The following DLGAP1 variants were observed in gnomAD, a reference collection of about 807,000 sequenced individuals.
DLGAP1 encodes the protein DLG associated protein 1.
Under a neutral mutation model 90.8 loss-of-function variants are expected in DLGAP1, and 11 were observed. The ratio of observed to expected loss-of-function variants is 0.12; its 90% CI spans 0.08 to 0.20. DLGAP1 has a LOEUF of 0.20. Among genes scored for constraint, DLGAP1 ranks in the 10% least tolerant of loss-of-function variants. DLGAP1 has a pLI of 1.00. For synonymous variants in DLGAP1, 558 were observed against 540.7 expected (o/e 1.03, Z -0.44); for missense variants, 1,050 against 1,333.8 (o/e 0.79, Z 3.31).
At chr18:4,421,577 A>G (rs1185645158) in intron 1 of DLGAP1, among the ~76,000 whole-genome samples, 2 of 152,192 alleles carry the variant, frequency 1.3e-5, no homozygotes, top group Non-Finnish European at 2.9e-5. Context: ...AGTTCACAAG[A>G]CTATGGAGTT....
In DLGAP1 at chr18:4,265,861, T is replaced by G. The variant is rs1052548015; in HGVS notation, c.-266-114574A>C. Among the ~76,000 whole-genome samples, 3 of 151,416 alleles carry G rather than the reference T, an allele frequency of 2.0e-5. No homozygotes were observed. In the South Asian group the frequency reaches 6.2e-4, roughly 32 times the overall value. ...TGCCATCATACCTGGCTACTTTTTT[T>G]GTTTTTTGGAGAGATAGGGTTTCCC... On this transcript the variant is annotated intron_variant, in intron 1 of 12. Coordinates refer to ENST00000315677, the MANE Select transcript of DLGAP1 (RefSeq NM_004746.4).
chr18:4,193,170 A>G (rs2077432769), intron 1 of DLGAP1, among the ~76,000 whole-genome samples: 1 of 152,210 alleles, frequency 6.6e-6, no homozygotes, highest in Non-Finnish European at 1.5e-5. Context: ...AAATGCTAGG[A>G]CAATAAGTCT....
At chr18:3,834,321 A>C (rs970227523) in intron 4 of DLGAP1, among the ~76,000 whole-genome samples, 2 of 150,032 alleles carry the variant, frequency 1.3e-5, no homozygotes, top group African/African-American at 4.9e-5. Flanking sequence ...AAAAAAAAAA[A>C]AAAAAAAAAG....
intron 10 of DLGAP1, among the ~76,000 whole-genome samples, chr18:3,521,028 C>A (rs1189061476): frequency 3.3e-5 from 5 of 152,118 alleles, no homozygotes; most frequent in Non-Finnish European, 5.9e-5. Flanking sequence ...AAATGTTGAA[C>A]ACAAAATGTA....
rs184306349 is a variant in DLGAP1, at chr18:4,187,259, G to A, written c.-266-35972C>T. Among the ~76,000 whole-genome samples, 248 of 152,178 alleles carry A rather than the reference G, an allele frequency of 1.6e-3. 2 individuals carry two copies. The highest frequency in any genetic ancestry group is 5.8e-3 in the African/African-American group (240 of 41,526). ...TGCCCTTTATTTCTCTTGTCTGATT[G>A]TTCTGGCCAGGACTTCCAATACTAT... is the stretch of plus-strand genomic sequence containing the variant. On this transcript the variant is annotated intron_variant, in intron 1 of 12. Coordinates refer to ENST00000315677, the MANE Select transcript of DLGAP1 (RefSeq NM_004746.4).
chr18:3,583,170 C>CTTCCTTCT (rs2145413736), intron 7 of DLGAP1, among the ~76,000 whole-genome samples: 1 of 100,276 alleles, frequency 1.0e-5, no homozygotes, highest in African/African-American at 3.2e-5. Flanking sequence ...ACCTACCTAC[C>CTTCCTTCT]TACCTACCTA....
intron 1 of DLGAP1, among the ~76,000 whole-genome samples, chr18:4,336,518 G>C (rs1043227444): frequency 4.6e-5 from 7 of 152,168 alleles, no homozygotes; most frequent in East Asian, 3.9e-4. Flanking sequence ...AGGCCAGGAT[G>C]AGCTCCTGTG....
At chr18:3,597,530 C>G (rs1462085120) in intron 7 of DLGAP1, 1 of 311,218 alleles carries the variant, frequency 3.2e-6, no homozygotes, top group African/African-American at 2.3e-5. Context: ...AGAGTCCGGT[C>G]AGGCTGAGTC....
intron 4 of DLGAP1, among the ~76,000 whole-genome samples, chr18:3,842,704 A>G (rs1311411128): frequency 6.6e-6 from 1 of 152,140 alleles, no homozygotes; most frequent in Non-Finnish European, 1.5e-5. Flanking sequence ...CAGCGTTAAA[A>G]AAAAGCATAG....
At chr18:3,990,105 C>T (rs1034752868) in intron 3 of DLGAP1, among the ~76,000 whole-genome samples, 1 of 152,006 alleles carries the variant, frequency 6.6e-6, no homozygotes, top group Non-Finnish European at 1.5e-5. Flanking sequence ...ACTAGAAATA[C>T]CATTTGACCC....
chr18:4,040,245 T>C (rs1256596666), intron 2 of DLGAP1, among the ~76,000 whole-genome samples: 1 of 152,200 alleles, frequency 6.6e-6, no homozygotes, highest in Non-Finnish European at 1.5e-5. Flanking sequence ...GGTAAAAATA[T>C]TACCTCACAT....
At chr18:4,387,923 TCACACATACACACACACACA>T (rs56849202) in intron 1 of DLGAP1, among the ~76,000 whole-genome samples, 8,053 of 33,638 alleles carry the variant, frequency 0.24, 252 homozygotes, top group Non-Finnish European at 0.36. Context: ...AGAGACTCCA[TCACACATACACACACACACA>T]CACACACACA....
At chr18:3,803,589 A>G (rs1413732931) in intron 5 of DLGAP1, among the ~76,000 whole-genome samples, 1 of 152,174 alleles carries the variant, frequency 6.6e-6, no homozygotes, top group Non-Finnish European at 1.5e-5. Context: ...GAAGGTTCTG[A>G]GCTGTAAGTC....
chr18:3,656,522 G>A (rs1002151554), intron 7 of DLGAP1, among the ~76,000 whole-genome samples: 3 of 152,180 alleles, frequency 2.0e-5, no homozygotes, highest in Non-Finnish European at 4.4e-5. Flanking sequence ...TTAGGACAGA[G>A]TTTCTGTTGA....
At chr18:3,845,953 G>A (rs938463068) in intron 4 of DLGAP1, among the ~76,000 whole-genome samples, 2 of 151,904 alleles carry the variant, frequency 1.3e-5, no homozygotes, top group African/African-American at 2.4e-5. Flanking sequence ...AGAATTAAAC[G>A]TGTTGTAGAA....
chr18:4,299,267 C>T (rs144494716), intron 1 of DLGAP1, among the ~76,000 whole-genome samples: 1 of 152,202 alleles, frequency 6.6e-6, no homozygotes, highest in Non-Finnish European at 1.5e-5. Context: ...TTTCTAGTAA[C>T]AGTAGCTCCA....
intron 7 of DLGAP1, among the ~76,000 whole-genome samples, chr18:3,675,946 G>A (rs1226255322): frequency 6.6e-6 from 1 of 152,212 alleles, no homozygotes. Context: ...GAGTTAAGAA[G>A]AAATTACTTA....
At chr18:3,537,552 G>A (rs1333930340) in intron 9 of DLGAP1, among the ~76,000 whole-genome samples, 3 of 152,138 alleles carry the variant, frequency 2.0e-5, no homozygotes, top group East Asian at 3.8e-4. Context: ...TGGCTATTGT[G>A]AATAATGCTG....
At chr18:4,242,480 C>A (rs2078559460) in intron 1 of DLGAP1, among the ~76,000 whole-genome samples, 1 of 152,056 alleles carries the variant, frequency 6.6e-6, no homozygotes. Context: ...TAAATCTGCT[C>A]TTGGAAATGC....
Sources: allele counts gnomAD v4.1 joint callset (sites outside exome capture counted in the v4.1 genomes callset), GRCh38; gene constraint gnomAD v4.1.1; transcripts MANE v1.5; gene names NCBI Gene and HGNC (gene_info 2026-07-23, HGNC 2026-07-21).